Variants in ANXA4 observed in about 807,000 individuals in gnomAD.
ANXA4 encodes annexin A4.
Under a neutral mutation model 49.8 loss-of-function variants are expected in ANXA4, and 39 were observed. That is an observed-to-expected ratio of 0.78 (90% CI 0.61 to 1.02). ANXA4 has a LOEUF of 1.02. Ranked by LOEUF, ANXA4 falls within the 50% of genes least tolerant of loss-of-function variation. The pLI is 0.00. For missense variants in ANXA4, 360 were observed against 410.1 expected, an observed-to-expected ratio of 0.88 and a Z score of 1.05; for synonymous variants, 134 against 152.5, an observed-to-expected ratio of 0.88 and a Z score of 0.89.
rs754917686 is a variant in ANXA4 at position 69,807,912 on chromosome 2, G to A, written c.313G>A (p.Gly105Ser). 68 of 1,613,970 alleles carry A rather than the reference G, an allele frequency of 4.2e-5. 1 individual carries two copies. The Admixed American group carries it at 7.7e-4, about 18-fold the overall frequency. Residue 105 changes from glycine to serine, a missense_variant, in exon 6 of 13, where the codon GGC becomes AGC. Physicochemically the swap from Gly to Ser is moderately conservative, Grantham distance 56. Transcript: ENST00000394295. ...CCTCTGGTTTCTTGTTTAGGGAGCCGGCACTGATGAGGGCTGCCTAATTGA... is the reference window on the plus strand; with the variant it reads ...CCTCTGGTTTCTTGTTTAGGGAGCCAGCACTGATGAGGGCTGCCTAATTGA... ...QELRRAMKGA[G>S]TDEGCLIEIL...
At chr2:69,695,575 G>A (rs1350542478) in intron 2 of ANXA4, among the ~76,000 whole-genome samples, 2 of 152,194 alleles carry the variant, frequency 1.3e-5, no homozygotes, top group African/African-American at 4.8e-5. Context: ...TGGAAGCAAC[G>A]AAGTGGAGGA....
At chr2:69,666,702 T>C (rs1676950599) in intron 2 of ANXA4, among the ~76,000 whole-genome samples, 1 of 152,198 alleles carries the variant, frequency 6.6e-6, no homozygotes, top group South Asian at 2.1e-4. Flanking sequence ...GATGAATCTT[T>C]AAAGCATTAT....
intron 11 of ANXA4, among the ~76,000 whole-genome samples, chr2:69,820,483 G>A (rs116278191): frequency 1.9e-3 from 294 of 152,148 alleles, no homozygotes; most frequent in African/African-American, 6.5e-3. Flanking sequence ...AGCAGGGAAC[G>A]GCATCCTGTG....
intron 1 of ANXA4, among the ~76,000 whole-genome samples, chr2:69,762,265 T>C (rs984158325): frequency 2.0e-5 from 3 of 152,138 alleles, no homozygotes; most frequent in African/African-American, 7.2e-5. Context: ...CTCATGCCTG[T>C]AGCAACAGCT....
At chr2:69,702,167 A>ACCC (rs145638275) in intron 2 of ANXA4, among the ~76,000 whole-genome samples, 1 of 151,132 alleles carries the variant, frequency 6.6e-6, no homozygotes, top group Non-Finnish European at 1.5e-5. Flanking sequence ...GTGCGCCACC[A>ACCC]CCCATGGCTC....
intron 3 of ANXA4, among the ~76,000 whole-genome samples, chr2:69,722,578 A>G (rs1178219468): frequency 6.6e-6 from 1 of 152,074 alleles, no homozygotes; most frequent in Non-Finnish European, 1.5e-5. Context: ...AAATTCATAG[A>G]GACAGAAAGG....
intron 3 of ANXA4, among the ~76,000 whole-genome samples, chr2:69,729,461 C>A (rs971074091): frequency 2.6e-5 from 4 of 152,328 alleles, no homozygotes; most frequent in Non-Finnish European, 4.4e-5. Context: ...CAATGGGAAG[C>A]TATTTTTGTC....
In ANXA4 at chr2:69,697,893, T is replaced by C. The variant is rs1678207879; in HGVS notation, n.767-22881T>C. On this transcript the variant is annotated intron_variant and non_coding_transcript_variant, in intron 2 of 3. Transcript: ENST00000418066. Reference sequence around the variant, plus strand: ...GGCAAAGTGGTTCATTCCTATAACCTGAGCACTTTGAAAGGCTGAGATGGG... The same window carrying C: ...GGCAAAGTGGTTCATTCCTATAACCCGAGCACTTTGAAAGGCTGAGATGGG... 3.3e-5 allele frequency among the ~76,000 whole-genome samples: 5 copies of C among 149,670 alleles called. No individual in the cohort carries two copies. In the South Asian group the frequency reaches 1.1e-3, roughly 31 times the overall value.
At chr2:69,673,965 T>C (rs1352995009) in intron 2 of ANXA4, 3 of 152,368 alleles carry the variant, frequency 2.0e-5, no homozygotes, top group Non-Finnish European at 4.4e-5. Flanking sequence ...GTGAAGGGGA[T>C]AGGGAGAGTG....
intron 7 of ANXA4, 62 bp from the exon 8 acceptor site, chr2:69,812,591 G>T: frequency 1.4e-6 from 2 of 1,415,348 alleles, no homozygotes; most frequent in Admixed American, 1.7e-5. Context: ...CTATCTTAAT[G>T]GTGTCCCCAG....
upstream of ANXA4, among the ~76,000 whole-genome samples, chr2:69,738,334 C>T (rs933391837): frequency 1.3e-5 from 2 of 152,122 alleles, no homozygotes; most frequent in Admixed American, 6.6e-5. Context: ...TCCAAACTCT[C>T]CAGCCTGGTG....
chr2:69,750,142 T>C (rs991465482), intron 1 of ANXA4, among the ~76,000 whole-genome samples: 4 of 152,218 alleles, frequency 2.6e-5, no homozygotes, highest in Non-Finnish European at 4.4e-5. Context: ...GTTACAGATA[T>C]CACCTGCCCA....
At chr2:69,665,151 C>T (rs1203831893) in intron 2 of ANXA4, among the ~76,000 whole-genome samples, 2 of 152,120 alleles carry the variant, frequency 1.3e-5, no homozygotes, top group African/African-American at 2.4e-5. Context: ...TTCAAAACCG[C>T]ATCTTGAAAG....
chr2:69,668,802 G>A (rs1475178862), intron 2 of ANXA4, among the ~76,000 whole-genome samples: 6 of 152,096 alleles, frequency 3.9e-5, no homozygotes, highest in East Asian at 1.9e-4. Context: ...TGGTATTCAC[G>A]TGGTCAGTAA....
intron 8 of ANXA4, among the ~76,000 whole-genome samples, chr2:69,812,982 G>A (rs752332365): frequency 2.6e-5 from 4 of 152,156 alleles, no homozygotes; most frequent in Admixed American, 6.5e-5. Flanking sequence ...TCCGAATCCC[G>A]TGGAGGTGAA....
At chr2:69,734,960 G>C (rs6739358) in intron 3 of ANXA4, among the ~76,000 whole-genome samples, 78,505 of 151,972 alleles carry the variant, frequency 0.52, 20,653 homozygotes, top group East Asian at 0.7. Flanking sequence ...ACCCTGCCCA[G>C]TTCCACTGAA....
At chr2:69,644,862 T>C (rs1559032074) in exon 1 of ANXA4, 1 of 152,238 alleles carries the variant, frequency 6.6e-6, no homozygotes, top group Non-Finnish European at 1.5e-5. Flanking sequence ...AGGGCGGGGA[T>C]GGACTGTGTG....
chr2:69,747,229 G>A lies in ANXA4; in HGVS notation c.-47+5054G>A, dbSNP rs145124107. Among the ~76,000 whole-genome samples, 57 of 152,224 alleles carry A rather than the reference G, an allele frequency of 3.7e-4. 1 individual carries two copies. In the East Asian group the frequency reaches 0.01, roughly 27 times the overall value. ...CTCACCTCCCCGCCACCCCAGAGAG[G>A]TAGCATATTAAATCATTAACAGAAT... On this transcript the variant is annotated intron_variant, in intron 1 of 12. Coordinates refer to ENST00000394295, the MANE Select transcript of ANXA4 (RefSeq NM_001153.5).
chr2:69,705,294 T>C (rs1678451570), intron 2 of ANXA4, among the ~76,000 whole-genome samples: 1 of 151,976 alleles, frequency 6.6e-6, no homozygotes, highest in Non-Finnish European at 1.5e-5. Context: ...AGATGCTGTC[T>C]CAAAAAAAGA....
Sources: allele counts gnomAD v4.1 joint callset (sites outside exome capture counted in the v4.1 genomes callset), GRCh38; gene constraint gnomAD v4.1.1; transcripts MANE v1.5; gene names NCBI Gene and HGNC (gene_info 2026-07-23, HGNC 2026-07-21).